The following MICAL2 variants were observed in gnomAD, a reference collection of about 807,000 sequenced individuals.
The protein encoded by MICAL2 is microtubule associated monooxygenase, calponin and LIM domain containing 2.
Under a neutral mutation model 127.3 loss-of-function variants are expected in MICAL2, and 77 were observed. The ratio of observed to expected loss-of-function variants is 0.60; its 90% CI spans 0.50 to 0.73. The LOEUF (loss-of-function observed/expected upper bound fraction) is 0.73, where lower values mean the gene tolerates loss of function less well. Ranked by LOEUF, MICAL2 falls within the 30% of genes least tolerant of loss-of-function variation. The pLI, the probability that MICAL2 is intolerant of heterozygous loss-of-function variation, is 0.00. For missense variants in MICAL2, 1,351 were observed against 1,434.4 expected (o/e 0.94, Z 0.94); for synonymous variants, 570 against 551.1 (o/e 1.03, Z -0.48).
downstream of MICAL2, among the ~76,000 whole-genome samples, chr11:12,293,067 C>T (rs1449967484): frequency 2.0e-5 from 3 of 152,204 alleles, no homozygotes; most frequent in Non-Finnish European, 4.4e-5. Context: ...GAGTGACTGT[C>T]GCTTCTTACT....
chr11:12,162,114 C>T lies in MICAL2; in HGVS notation c.-42C>T. The T allele has an allele frequency of 6.2e-7, 1 of 1,612,236 alleles. No homozygotes were observed. The highest frequency in any genetic ancestry group is 1.1e-5 in the South Asian group (1 of 90,860). ...TCTCCAGATACTTCATGCTGTTCACCTGTGTCCTCGCCGCACCACTGCCGC... is the reference window on the plus strand; with the variant it reads ...TCTCCAGATACTTCATGCTGTTCACTTGTGTCCTCGCCGCACCACTGCCGC... On this transcript the variant is annotated 5_prime_UTR_variant, in exon 3 of 28. Coordinates refer to ENST00000683283, the MANE Select transcript of MICAL2 (RefSeq NM_001282663.2).
At chr11:12,125,401 G>A (rs1320676659) in intron 1 of MICAL2, among the ~76,000 whole-genome samples, 1 of 152,156 alleles carries the variant, frequency 6.6e-6, no homozygotes, top group Non-Finnish European at 1.5e-5. Flanking sequence ...ATACAGGCAT[G>A]CACCACCATG....
chr11:12,296,238 C>G (rs1351422054), downstream of MICAL2, among the ~76,000 whole-genome samples: 1 of 151,852 alleles, frequency 6.6e-6, no homozygotes, highest in Non-Finnish European at 1.5e-5. Flanking sequence ...TATTGTTGAT[C>G]AACTTTGTTT....
intron 16 of MICAL2, among the ~76,000 whole-genome samples, chr11:12,237,271 C>T (rs1304013552): frequency 2.0e-5 from 3 of 152,194 alleles, no homozygotes; most frequent in Non-Finnish European, 4.4e-5. Flanking sequence ...GTTCAAAACA[C>T]CCTGGGTTGA....
At position 12,162,163 on chromosome 11, in the gene MICAL2, A is replaced by T. The variant is rs1017723028; in HGVS notation, c.8A>T (p.Glu3Val). MGENEDEKQAQAG... is the reference protein window; with the variant it reads MGVNEDEKQAQAG... ...GCACACGACTCCTGAACCATGGGGG[A>T]AAACGAGGATGAGAAGCAGGCCCAG... Residue 3 changes from glutamate to valine, a missense_variant, in exon 3 of 28, where the codon GAA becomes GTA. Glu to Val is a moderately radical substitution (Grantham distance 121, BLOSUM62 -2). Transcript: ENST00000683283. 7 of 1,614,004 alleles carry T rather than the reference A, an allele frequency of 4.3e-6. No homozygotes were observed. In the African/African-American group the frequency reaches 5.3e-5, roughly 12 times the overall value.
chr11:12,331,989 T>C (rs1272762118), intron 32 of MICAL2, among the ~76,000 whole-genome samples: 1 of 152,214 alleles, frequency 6.6e-6, no homozygotes, highest in Admixed American at 6.5e-5. Context: ...TCTAAATATT[T>C]GTAATACATG....
intron 6 of MICAL2, among the ~76,000 whole-genome samples, chr11:12,210,082 T>C (rs1264300525): frequency 6.6e-6 from 1 of 152,176 alleles, no homozygotes; most frequent in Non-Finnish European, 1.5e-5. Context: ...AAGGAGGAAC[T>C]CACCTCTTTT....
chr11:12,131,656 T>TCTCA, intron 1 of MICAL2, among the ~76,000 whole-genome samples: 1 of 152,290 alleles, frequency 6.6e-6, no homozygotes, highest in East Asian at 1.9e-4. Context: ...GGGAGTTCTT[T>TCTCA]CTCACCCTCT....
At chr11:12,240,977 T>G (rs1859842425) in intron 17 of MICAL2, 63 bp from the exon 18 acceptor site, 4 of 1,586,306 alleles carry the variant, frequency 2.5e-6, no homozygotes, top group Non-Finnish European at 2.6e-6. Context: ...CCTCTCAATC[T>G]GACTCACCTT....
downstream of MICAL2, among the ~76,000 whole-genome samples, chr11:12,267,918 C>A (rs1863627796): frequency 6.6e-6 from 1 of 152,182 alleles, no homozygotes; most frequent in Non-Finnish European, 1.5e-5. Context: ...GAATTTATGT[C>A]TCACTGCTGC....
rs79111801 is a variant in MICAL2, at chr11:12,120,198, G to A, written c.-149+9472G>A. Among the ~76,000 whole-genome samples the A allele has an allele frequency of 6.2e-3, 946 of 152,342 alleles. 35 individuals carry two copies. The highest frequency in any genetic ancestry group is 0.03 in the East Asian group (156 of 5,184). Reference sequence around the variant, plus strand: ...CCACCTTTGTTCCTAGCCCTTGTCCGCAGAAGCCCTTTGTTAAAAATACAG... The same window carrying A: ...CCACCTTTGTTCCTAGCCCTTGTCCACAGAAGCCCTTTGTTAAAAATACAG... On this transcript the variant is annotated intron_variant, in intron 1 of 27. Transcript: ENST00000683283.
chr11:12,258,674 T>G (rs568470352), intron 25 of MICAL2, 118 bp downstream of exon 25: 7 of 884,108 alleles, frequency 7.9e-6, no homozygotes, highest in South Asian at 6.2e-5. Context: ...GACTCACAGA[T>G]AAAGAAGAAA....
chr11:12,225,439 G>A (rs1857295247), intron 13 of MICAL2: 1 of 152,444 alleles, frequency 6.6e-6, no homozygotes, highest in Non-Finnish European at 1.5e-5. Flanking sequence ...CTACCCAAGG[G>A]CTAGCAATTG....
At chr11:12,216,525 A>G (rs905518449) in intron 8 of MICAL2, 3 of 582,286 alleles carry the variant, frequency 5.2e-6, no homozygotes, top group Non-Finnish European at 9.2e-6. Flanking sequence ...TTTTCTGCAG[A>G]GGGACGTGTG....
rs11022255 is a variant in MICAL2 at position 12,231,701 on chromosome 11, G to A, written c.1996-4476G>A. Among the ~76,000 whole-genome samples, 1,165 of 152,232 alleles carry A rather than the reference G, an allele frequency of 7.7e-3. 7 individuals carry two copies. The highest frequency in any genetic ancestry group is 0.013 in the Non-Finnish European group (863 of 68,018). The stretch of plus-strand genomic sequence containing the variant: ...CCCAACTTCTCTCACAGAACCACAC[G>A]CCCAGCAGCCAAAGCTCCCCACTAG... On this transcript the variant is annotated intron_variant, in intron 15 of 27. Transcript: ENST00000683283.
chr11:12,286,061 T>A (rs1863823434), intron 2 of MICAL2, among the ~76,000 whole-genome samples: 1 of 152,246 alleles, frequency 6.6e-6, no homozygotes, highest in African/African-American at 2.4e-5. Context: ...CTGCCCACTC[T>A]CACACCCTAA....
At chr11:12,327,587 TAAGATA>T (rs1451965998) in intron 32 of MICAL2, among the ~76,000 whole-genome samples, 1 of 152,196 alleles carries the variant, frequency 6.6e-6, no homozygotes, top group African/African-American at 2.4e-5. Flanking sequence ...ATTCAAAGAT[TAAGATA>T]AATTCAGGAG....
At chr11:12,295,517 T>A (rs1300138433), downstream of MICAL2, among the ~76,000 whole-genome samples, 1 of 149,620 alleles carries the variant, frequency 6.7e-6, no homozygotes, top group African/African-American at 2.5e-5. Context: ...AGTGGCCTGA[T>A]CATGGCTCAT....
At chr11:12,223,589 C>A in intron 12 of MICAL2, 88 bp downstream of exon 12, 1 of 1,174,516 alleles carries the variant, frequency 8.5e-7, no homozygotes, top group Non-Finnish European at 1.3e-6. Flanking sequence ...GACACAGGCA[C>A]TGCAACCAGC....
Sources: allele counts gnomAD v4.1 joint callset (sites outside exome capture counted in the v4.1 genomes callset), GRCh38; gene constraint gnomAD v4.1.1; transcripts MANE v1.5; gene names NCBI Gene and HGNC (gene_info 2026-07-23, HGNC 2026-07-21).